MAP3K7CL: variants seen among roughly 807,000 people sequenced by gnomAD.
MAP3K7CL encodes the protein MAP3K7 C-terminal-like protein.
MAP3K7CL carries 16 observed loss-of-function variants against 18.6 expected under a neutral mutation model. The ratio of observed to expected loss-of-function variants is 0.86; its 90% CI spans 0.58 to 1.31. The LOEUF (loss-of-function observed/expected upper bound fraction) is 1.31, where lower values mean the gene tolerates loss of function less well. MAP3K7CL is among the 50% of genes most tolerant of loss of function. The probability of loss-of-function intolerance (pLI) is 0.00; values close to 1 mark genes in which losing one functional copy is unlikely to be tolerated. For missense variants in MAP3K7CL, 163 were observed against 174.4 expected, an observed-to-expected ratio of 0.93 and a Z score of 0.37; for synonymous variants, 65 against 66.8, an observed-to-expected ratio of 0.97 and a Z score of 0.13.
intron 4 of MAP3K7CL, among the ~76,000 whole-genome samples, chr21:29,162,547 G>A (rs887186939): frequency 2.6e-5 from 4 of 151,516 alleles, no homozygotes; most frequent in African/African-American, 9.7e-5. Flanking sequence ...GCCTGGTGTA[G>A]TGGTGGGCGC....
chr21:29,092,366 A>T, intron 3 of MAP3K7CL: 1 of 1,559,498 alleles, frequency 6.4e-7, no homozygotes, highest in Admixed American at 1.7e-5. Context: ...GGAAAAAAAG[A>T]ACTGACATCA....
intron 4 of MAP3K7CL, 109 bp downstream of exon 4, chr21:29,160,165 G>T (rs2087512261): frequency 1.4e-5 from 10 of 724,588 alleles, no homozygotes; most frequent in Non-Finnish European, 1.8e-5. Context: ...GAGGCAAGGG[G>T]GTTACAGCAA....
chr21:29,173,856 C>T (rs940274200), intron 4 of MAP3K7CL, among the ~76,000 whole-genome samples: 1 of 152,140 alleles, frequency 6.6e-6, no homozygotes, highest in Non-Finnish European at 1.5e-5. Flanking sequence ...TGTCAGCCAT[C>T]ATACCCAGCT....
intron 3 of MAP3K7CL, among the ~76,000 whole-genome samples, chr21:29,159,073 G>A (rs2087477836): frequency 2.0e-5 from 3 of 151,948 alleles, no homozygotes; most frequent in South Asian, 4.1e-4. Flanking sequence ...GGTGGGCCCC[G>A]CCATGCCTGG....
At chr21:29,164,109 AAC>A (rs1241750056) in intron 4 of MAP3K7CL, among the ~76,000 whole-genome samples, 29 of 148,896 alleles carry the variant, frequency 1.9e-4, no homozygotes, top group Middle Eastern at 3.5e-3. Flanking sequence ...AAAAAAAAAA[AAC>A]AAACTGCTAG....
At chr21:29,092,305 C>CCAGTTTATAGGACA in intron 3 of MAP3K7CL, 3 of 721,234 alleles carry the variant, frequency 4.2e-6, no homozygotes, top group South Asian at 2.0e-5. Flanking sequence ...AGATTTAAAC[C>CCAGTTTATAGGACA]ATTAACAACC....
intron 4 of MAP3K7CL, among the ~76,000 whole-genome samples, chr21:29,093,626 C>A (rs2086068839): frequency 6.6e-6 from 1 of 152,010 alleles, no homozygotes; most frequent in Admixed American, 6.6e-5. Flanking sequence ...GGACTGCCGG[C>A]ACCCGCCACC....
chr21:29,148,065 A>G (rs914945502), intron 2 of MAP3K7CL, among the ~76,000 whole-genome samples: 7 of 151,762 alleles, frequency 4.6e-5, no homozygotes, highest in Non-Finnish European at 7.4e-5. Context: ...TGTGTACTGT[A>G]TATGTATCTG....
intron 4 of MAP3K7CL, among the ~76,000 whole-genome samples, chr21:29,117,884 A>AGAG: frequency 6.6e-6 from 1 of 151,818 alleles, no homozygotes; most frequent in Non-Finnish European, 1.5e-5. Flanking sequence ...CACAGGAAGA[A>AGAG]GAGATTATCT....
intron 1 of MAP3K7CL, 122 bp from the exon 2 acceptor site, chr21:29,133,183 CT>C: frequency 3.5e-6 from 2 of 570,010 alleles, no homozygotes. Context: ...CTAGGAGTAT[CT>C]TTAGAATAAG....
chr21:29,092,195 C>T (rs2146502633), intron 3 of MAP3K7CL: 1 of 461,808 alleles, frequency 2.2e-6, no homozygotes, highest in South Asian at 4.1e-5. Context: ...AAATCTGAGG[C>T]AGAGCGAGGC....
intron 4 of MAP3K7CL, among the ~76,000 whole-genome samples, chr21:29,163,717 A>G (rs1487988961): frequency 7.3e-6 from 1 of 136,252 alleles, no homozygotes; most frequent in Non-Finnish European, 1.5e-5. Context: ...TTTTTTTGAG[A>G]CAAAGTCTTG....
chr21:29,112,934 G>T (rs145481852), intron 4 of MAP3K7CL, among the ~76,000 whole-genome samples: 2,743 of 151,690 alleles, frequency 0.018, 86 homozygotes, highest in African/African-American at 0.063. Context: ...TCAGCCTCCC[G>T]AGTTGCTGAG....
chr21:29,116,730 A>C (rs181364640), intron 4 of MAP3K7CL, among the ~76,000 whole-genome samples: 1 of 152,308 alleles, frequency 6.6e-6, no homozygotes, highest in East Asian at 1.9e-4. Context: ...ATTTGGAAAA[A>C]GAATACTAAA....
At chr21:29,128,273 GAGTC>G (rs2086713852), upstream of MAP3K7CL, 1 of 152,010 alleles carries the variant, frequency 6.6e-6, no homozygotes, top group Admixed American at 6.6e-5. Context: ...CAAAAGCTGA[GAGTC>G]AGACTTATTC....
intron 4 of MAP3K7CL, among the ~76,000 whole-genome samples, chr21:29,105,359 C>T (rs2086302817): frequency 6.6e-6 from 1 of 152,208 alleles, no homozygotes; most frequent in South Asian, 2.1e-4. Flanking sequence ...TGCCTTCTTC[C>T]TGTTGCTCAT....
chr21:29,145,954 A>G (rs2087119106), intron 2 of MAP3K7CL, among the ~76,000 whole-genome samples: 1 of 152,162 alleles, frequency 6.6e-6, no homozygotes, highest in Admixed American at 6.6e-5. Context: ...GTGAGGTGAC[A>G]TGGCGTGACT....
chr21:29,135,666 C>T (rs1357806362), intron 2 of MAP3K7CL, among the ~76,000 whole-genome samples: 1 of 152,166 alleles, frequency 6.6e-6, no homozygotes, highest in African/African-American at 2.4e-5. Context: ...ATTCTTTGAA[C>T]TCTCTTGGCC....
At chr21:29,172,092 A>T (rs2087847896) in intron 4 of MAP3K7CL, among the ~76,000 whole-genome samples, 1 of 152,074 alleles carries the variant, frequency 6.6e-6, no homozygotes, top group Admixed American at 6.6e-5. Context: ...TAACCATGGT[A>T]TAATAATTAA....
Sources: allele counts gnomAD v4.1 joint callset (sites outside exome capture counted in the v4.1 genomes callset), GRCh38; gene constraint gnomAD v4.1.1; transcripts MANE v1.5; gene names NCBI Gene and HGNC (gene_info 2026-07-23, HGNC 2026-07-21).